ABCD3: variants seen among roughly 807,000 people sequenced by gnomAD.
The protein encoded by ABCD3 is ATP binding cassette subfamily D member 3, also known as ATP-binding cassette sub-family D member 3.
ABCD3 carries 41 observed loss-of-function variants against 105.5 expected under a neutral mutation model. The ratio of observed to expected loss-of-function variants is 0.39; its 90% CI spans 0.30 to 0.50. The LOEUF (loss-of-function observed/expected upper bound fraction) is 0.50. ABCD3 is among the 20% of genes least tolerant of loss of function. ABCD3 has a pLI of 0.84. For missense variants in ABCD3, 622 were observed against 806.3 expected (o/e 0.77, Z 2.77); for synonymous variants, 258 against 269.0 (o/e 0.96, Z 0.40).
the ABCD3 span, among the ~76,000 whole-genome samples, chr1:94,387,540 A>G: frequency 6.6e-5 from 10 of 152,180 alleles, no homozygotes; most frequent in Non-Finnish European, 1.5e-4. Context: ...ATTATGAAGA[A>G]CAATTCCATT....
chr1:94,455,154 A>G (rs1477140877), intron 1 of ABCD3, among the ~76,000 whole-genome samples: 2 of 152,176 alleles, frequency 1.3e-5, no homozygotes, highest in Non-Finnish European at 2.9e-5. Flanking sequence ...ATATCAGGTT[A>G]ATGTGTATTA....
intron 9 of ABCD3, among the ~76,000 whole-genome samples, chr1:94,481,098 T>C (rs370647096): frequency 2.2e-4 from 33 of 152,342 alleles, no homozygotes; most frequent in African/African-American, 7.7e-4. Flanking sequence ...CTTCCACTTA[T>C]CAGTTGCATG....
At chr1:94,458,499 A>G in intron 1 of ABCD3, 108 bp from the exon 2 acceptor site, 4 of 1,003,436 alleles carry the variant, frequency 4.0e-6, no homozygotes, top group Non-Finnish European at 6.3e-6. Flanking sequence ...GATGTGAAAA[A>G]GAAGAAACGC....
intron 1 of ABCD3, among the ~76,000 whole-genome samples, chr1:94,445,824 T>C: frequency 6.6e-6 from 1 of 152,196 alleles, no homozygotes; most frequent in East Asian, 1.9e-4. Flanking sequence ...GTTGCGGTTA[T>C]TAGCTTTCGG....
intron 20 of ABCD3, among the ~76,000 whole-genome samples, chr1:94,500,465 T>C (rs1278430509): frequency 6.6e-6 from 1 of 151,876 alleles, no homozygotes; most frequent in Non-Finnish European, 1.5e-5. Flanking sequence ...TAAATAAAAA[T>C]TTAAAAAGAA....
intron 1 of ABCD3, among the ~76,000 whole-genome samples, chr1:94,452,790 G>A (rs1171470375): frequency 6.6e-5 from 10 of 151,958 alleles, no homozygotes; most frequent in Admixed American, 6.6e-4. Context: ...AGGCTGGAGT[G>A]CAGTGGCACA....
At chr1:94,403,625 A>T in the ABCD3 span, among the ~76,000 whole-genome samples, 2 of 152,166 alleles carry the variant, frequency 1.3e-5, no homozygotes, top group Non-Finnish European at 2.9e-5. Flanking sequence ...TTTATTGTAG[A>T]TATGAACTCA....
chr1:94,517,008 T>C (rs759610860), intron 22 of ABCD3, 44 bp from the exon 23 acceptor site: 1 of 1,295,896 alleles, frequency 7.7e-7, no homozygotes, highest in African/African-American at 1.5e-5. Flanking sequence ...CAGTACTATA[T>C]TCACTCTTAG....
chr1:94,441,740 G>A (rs577716725), intron 1 of ABCD3, among the ~76,000 whole-genome samples: 1 of 152,210 alleles, frequency 6.6e-6, no homozygotes, highest in African/African-American at 2.4e-5. Flanking sequence ...CAAAAGACTA[G>A]ATATGCTATC....
chr1:94,509,694 A>G (rs1327191893), intron 21 of ABCD3, among the ~76,000 whole-genome samples: 2 of 152,116 alleles, frequency 1.3e-5, no homozygotes, highest in Admixed American at 6.5e-5. Context: ...CAGAGATTCA[A>G]CTTCTTCCTG....
intron 1 of ABCD3, among the ~76,000 whole-genome samples, chr1:94,435,489 A>T (rs923061167): frequency 2.0e-4 from 31 of 152,144 alleles, no homozygotes; most frequent in African/African-American, 7.2e-4. Flanking sequence ...CTGTGATGGC[A>T]CCATGCATTC....
intron 2 of ABCD3, among the ~76,000 whole-genome samples, chr1:94,459,928 T>C (rs1239543727): frequency 6.6e-6 from 1 of 152,234 alleles, no homozygotes; most frequent in Non-Finnish European, 1.5e-5. Context: ...CATGTTGTTG[T>C]ATCAGTATTG....
intron 16 of ABCD3, among the ~76,000 whole-genome samples, chr1:94,491,504 A>G (rs1274723181): frequency 1.3e-5 from 2 of 152,282 alleles, no homozygotes; most frequent in African/African-American, 2.4e-5. Flanking sequence ...AATATAGTAA[A>G]TTGGAGTCTC....
the ABCD3 span, chr1:94,406,340 G>T: frequency 0.33 from 46,674 of 141,668 alleles, 7,808 homozygotes; most frequent in Admixed American, 0.4. Context: ...ATTTTGTTTT[G>T]TTTTTTTTTT....
intron 1 of ABCD3, among the ~76,000 whole-genome samples, chr1:94,444,070 A>G (rs12120397): frequency 3.9e-5 from 6 of 151,952 alleles, no homozygotes; most frequent in African/African-American, 1.5e-4. Context: ...ACAGTGGCTC[A>G]TGCCTGTAAT....
At chr1:94,402,225 T>C in the ABCD3 span, among the ~76,000 whole-genome samples, 1 of 152,232 alleles carries the variant, frequency 6.6e-6, no homozygotes, top group Non-Finnish European at 1.5e-5. Context: ...TTTCCAGTTT[T>C]AGGAGGTTAT....
At chr1:94,492,504 C>T (rs995833115) in intron 16 of ABCD3, among the ~76,000 whole-genome samples, 4 of 152,108 alleles carry the variant, frequency 2.6e-5, no homozygotes, top group African/African-American at 9.7e-5. Flanking sequence ...CCAGGAAATA[C>T]AAGAAGTACA....
intron 16 of ABCD3, among the ~76,000 whole-genome samples, chr1:94,492,028 C>G (rs1418368358): frequency 1.3e-5 from 2 of 152,124 alleles, no homozygotes; most frequent in South Asian, 2.1e-4. Context: ...TCTATACTTT[C>G]ACTGTCCAGT....
the ABCD3 span, among the ~76,000 whole-genome samples, chr1:94,398,126 C>T: frequency 2.0e-5 from 3 of 152,072 alleles, no homozygotes; most frequent in African/African-American, 7.2e-5. Context: ...CCAATACTAT[C>T]ATTATTAATT....
Sources: gnomAD v4.1 joint callset for allele counts (sites outside exome capture counted in the v4.1 genomes callset) on GRCh38, gnomAD v4.1.1 for gene constraint, MANE v1.5 for transcripts, NCBI Gene and HGNC (gene_info 2026-07-23, HGNC 2026-07-21) for gene names.